The following CALD1 variants were observed in gnomAD, a reference collection of about 807,000 sequenced individuals.
The protein encoded by CALD1 is caldesmon 1.
In CALD1, 33 loss-of-function variants were observed where a neutral mutation model predicts 99.9. The ratio of observed to expected loss-of-function variants is 0.33; its 90% CI spans 0.25 to 0.44. The LOEUF (loss-of-function observed/expected upper bound fraction) is 0.44, where lower values mean the gene tolerates loss of function less well. Among genes scored for constraint, CALD1 ranks in the 20% least tolerant of loss-of-function variants. CALD1 has a pLI of 1.00. For synonymous variants in CALD1, 310 were observed against 325.0 expected (o/e 0.95, Z 0.50); for missense variants, 861 against 962.1 (o/e 0.89, Z 1.39).
At chr7:134,714,453 A>G in the CALD1 span, among the ~76,000 whole-genome samples, 1 of 152,048 alleles carries the variant, frequency 6.6e-6, no homozygotes, top group African/African-American at 2.4e-5. Context: ...CATCGAGAAG[A>G]CCTAACTCTG....
intron 1 of CALD1, among the ~76,000 whole-genome samples, chr7:134,758,001 GC>G (rs1796744227): frequency 6.6e-6 from 1 of 152,222 alleles, no homozygotes; most frequent in Admixed American, 6.5e-5. Flanking sequence ...TGATGACAAT[GC>G]AAGGCTCGTA....
rs1379128649 is a variant in CALD1, at chr7:134,867,746, G to C, written c.13G>C (p.Glu5Gln). 1 of 1,608,580 alleles carries C rather than the reference G, an allele frequency of 6.2e-7. No individual in the cohort carries two copies. Among genetic ancestry groups the C allele is most frequent in the South Asian group, 1.1e-5 (1 of 90,332 alleles). ...CTGAAATCACACCATGGATGATTTTGAGCGTCGCAGAGAACTTAGAAGGCA... is the reference window on the plus strand; with the variant it reads ...CTGAAATCACACCATGGATGATTTTCAGCGTCGCAGAGAACTTAGAAGGCA... MDDF[E>Q]RRRELRRQKR... The change falls in exon 3 of 15, where the codon GAG becomes CAG. Residue 5 changes from glutamate to glutamine, a missense_variant. Around this residue, in one of 5 missense-constraint regions of CALD1, gnomAD observed 123 missense variants for 169.8 expected, o/e 0.72. Coordinates refer to ENST00000361675, the MANE Select transcript of CALD1 (RefSeq NM_033138.4).
At chr7:134,884,683 A>G (rs1302931841) in intron 3 of CALD1, among the ~76,000 whole-genome samples, 1 of 151,858 alleles carries the variant, frequency 6.6e-6, no homozygotes, top group Non-Finnish European at 1.5e-5. Context: ...AAACAAGCCA[A>G]CTGACCTTGG....
chr7:134,893,999 G>A (rs1802387574), intron 3 of CALD1, among the ~76,000 whole-genome samples: 1 of 152,188 alleles, frequency 6.6e-6, no homozygotes, highest in African/African-American at 2.4e-5. Flanking sequence ...TTTTACGTAT[G>A]ATAACAGACA....
intron 10 of CALD1, 21 bp from the exon 11 acceptor site, chr7:134,958,188 T>A (rs556658940): frequency 6.2e-7 from 1 of 1,612,280 alleles, no homozygotes. Flanking sequence ...TATTTTTATA[T>A]GTATGTGTTT....
chr7:134,932,031 G>C (rs180858452), intron 4 of CALD1, among the ~76,000 whole-genome samples: 5 of 152,158 alleles, frequency 3.3e-5, no homozygotes, highest in African/African-American at 1.2e-4. Flanking sequence ...TCAATCCCTA[G>C]GGCTTGGTGC....
chr7:134,923,875 T>A (rs1804792529), intron 3 of CALD1, among the ~76,000 whole-genome samples: 1 of 152,216 alleles, frequency 6.6e-6, no homozygotes, highest in Non-Finnish European at 1.5e-5. Flanking sequence ...AAATTCTAAC[T>A]TCTGAGAAGT....
chr7:134,849,121 T>C (rs1042849833), intron 2 of CALD1, among the ~76,000 whole-genome samples: 5 of 152,248 alleles, frequency 3.3e-5, no homozygotes, highest in Admixed American at 1.3e-4. Flanking sequence ...TTATTTTTCA[T>C]TGGCTTCGTC....
chr7:134,849,103 T>C (rs1361748858), intron 2 of CALD1, among the ~76,000 whole-genome samples: 1 of 152,212 alleles, frequency 6.6e-6, no homozygotes, highest in Non-Finnish European at 1.5e-5. Flanking sequence ...TGATTTCTAA[T>C]ACTGTATTTA....
At chr7:134,859,089 A>T (rs1004612343) in intron 2 of CALD1, among the ~76,000 whole-genome samples, 15 of 152,292 alleles carry the variant, frequency 9.8e-5, no homozygotes, top group African/African-American at 2.6e-4. Context: ...ATAGCCTTAG[A>T]ATCTTAAAAA....
the CALD1 span, among the ~76,000 whole-genome samples, chr7:134,711,660 C>CTCTCTCTCTCTCTCTCTCTCTATATA: frequency 2.6e-5 from 2 of 78,358 alleles, no homozygotes; most frequent in African/African-American, 1.2e-4. Context: ...CTCTCTCTCT[C>CTCTCTCTCTCTCTCTCTCTCTATATA]TATATATATA....
In CALD1 at chr7:134,958,275, T is replaced by C. The variant is rs1274136015; in HGVS notation, c.2046T>C (p.Tyr682=). The part of the protein sequence containing the change: ...VSKIDSRLEQ[Y]TSAIEGTKSA... ...AGATTGACAGCAGACTGGAGCAGTATACCAGTGCAATTGAGGTGAGAATTG... is the reference window on the plus strand; with the variant it reads ...AGATTGACAGCAGACTGGAGCAGTACACCAGTGCAATTGAGGTGAGAATTG... Residue 682 remains tyrosine (Y), a synonymous_variant, in exon 11 of 15, where the codon TAT becomes TAC. Transcript: ENST00000361675. The C allele has an allele frequency of 2.5e-6, 4 of 1,613,742 alleles. No individual in the cohort carries two copies. Among genetic ancestry groups the C allele is most frequent in the Non-Finnish European group, 3.4e-6 (4 of 1,179,756 alleles).
At position 134,811,877 on chromosome 7, in the gene CALD1, T is replaced by C. The variant is rs1586002454; in HGVS notation, c.-129-32007T>C. The stretch of plus-strand genomic sequence containing the variant: ...AACATTAAGAATGTGACATCCAAAA[T>C]ATGTGCTATTTTTTTTTCCTGGAGT... On this transcript the variant is annotated intron_variant, in intron 1 of 14. Coordinates refer to ENST00000361675, the MANE Select transcript of CALD1 (RefSeq NM_033138.4). Among the ~76,000 whole-genome samples the C allele has an allele frequency of 6.6e-5, 10 of 152,208 alleles. 3 individuals are homozygous for C. The highest frequency in any genetic ancestry group is 6.5e-4 in the Admixed American group (10 of 15,278).
At chr7:134,820,052 T>C (rs190601489) in intron 1 of CALD1, among the ~76,000 whole-genome samples, 1 of 152,224 alleles carries the variant, frequency 6.6e-6, no homozygotes, top group African/African-American at 2.4e-5. Flanking sequence ...AATGTGCTTC[T>C]TTTTTCACCC....
chr7:134,811,348 A>C (rs1798348587), intron 1 of CALD1, among the ~76,000 whole-genome samples: 1 of 152,234 alleles, frequency 6.6e-6, no homozygotes, highest in African/African-American at 2.4e-5. Flanking sequence ...TACAATCAGA[A>C]TCAACTGGAC....
intron 9 of CALD1, among the ~76,000 whole-genome samples, chr7:134,951,103 G>T (rs989499852): frequency 2.0e-5 from 3 of 152,158 alleles, no homozygotes; most frequent in Admixed American, 2.0e-4. Flanking sequence ...GAGAAAACAG[G>T]CTTCCTTAGG....
chr7:134,781,278 C>A (rs1797093895), intron 1 of CALD1, among the ~76,000 whole-genome samples: 1 of 152,184 alleles, frequency 6.6e-6, no homozygotes, highest in African/African-American at 2.4e-5. Flanking sequence ...GAAGGGAATG[C>A]AGTTTGGAAG....
chr7:134,931,328 C>T (rs2132943262), intron 4 of CALD1, among the ~76,000 whole-genome samples: 1 of 152,134 alleles, frequency 6.6e-6, no homozygotes, highest in East Asian at 1.9e-4. Flanking sequence ...AATTTTGGTG[C>T]CTTTTAAAAA....
At chr7:134,930,162 AC>A (rs1805420135) in intron 4 of CALD1, among the ~76,000 whole-genome samples, 1 of 152,158 alleles carries the variant, frequency 6.6e-6, no homozygotes, top group Admixed American at 6.5e-5. Flanking sequence ...GTTTGCTATT[AC>A]GTATTTTCTC....
Sources: allele counts gnomAD v4.1 joint callset (sites outside exome capture counted in the v4.1 genomes callset), GRCh38; gene constraint gnomAD v4.1.1; regional missense constraint gnomAD v4.1.1; transcripts MANE v1.5; gene names NCBI Gene and HGNC (gene_info 2026-07-23, HGNC 2026-07-21).